The following PTPRT variants were observed in gnomAD, a reference collection of about 807,000 sequenced individuals.
PTPRT encodes protein tyrosine phosphatase receptor type T.
Under a neutral mutation model 176.8 loss-of-function variants are expected in PTPRT, and 56 were observed. That is an observed-to-expected ratio of 0.32 (90% CI 0.26 to 0.40). The LOEUF (loss-of-function observed/expected upper bound fraction) is 0.40, where lower values mean the gene tolerates loss of function less well. PTPRT is among the 10% of genes least tolerant of loss of function. PTPRT has a pLI of 1.00. For missense variants in PTPRT, 1,540 were observed against 1,908.2 expected, an observed-to-expected ratio of 0.81 and a Z score of 3.60; for synonymous variants, 783 against 739.0, an observed-to-expected ratio of 1.06 and a Z score of -0.96.
intron 3 of PTPRT, among the ~76,000 whole-genome samples, chr20:42,790,848 C>G (rs1225200341): frequency 6.6e-6 from 1 of 152,202 alleles, no homozygotes; most frequent in East Asian, 1.9e-4. Flanking sequence ...GAACCTCAAT[C>G]TTTTCATCCA....
At chr20:42,945,928 G>A (rs1246367820) in intron 1 of PTPRT, among the ~76,000 whole-genome samples, 2 of 152,076 alleles carry the variant, frequency 1.3e-5, no homozygotes, top group African/African-American at 2.4e-5. Context: ...TGTCTCTATG[G>A]ATCTGCCTTG....
intron 1 of PTPRT, among the ~76,000 whole-genome samples, chr20:43,098,125 G>A (rs554583165): frequency 6.6e-6 from 1 of 152,280 alleles, no homozygotes; most frequent in South Asian, 2.1e-4. Flanking sequence ...CATCCCCAGA[G>A]ATGGAAGGAA....
At chr20:42,806,917 G>C (rs1176724136) in intron 2 of PTPRT, among the ~76,000 whole-genome samples, 2 of 152,196 alleles carry the variant, frequency 1.3e-5, no homozygotes, top group African/African-American at 4.8e-5. Context: ...ACTATGAACA[G>C]ATGGTGTACA....
chr20:43,119,521 T>C (rs2013179269), intron 1 of PTPRT, among the ~76,000 whole-genome samples: 1 of 152,210 alleles, frequency 6.6e-6, no homozygotes, highest in African/African-American at 2.4e-5. Context: ...ATCCTTCACA[T>C]GCATCATGAC....
At chr20:42,050,720 C>T in the PTPRT span, among the ~76,000 whole-genome samples, 6 of 152,130 alleles carry the variant, frequency 3.9e-5, no homozygotes, top group East Asian at 1.2e-3. Flanking sequence ...GGATACTGAC[C>T]AGAACAGGAG....
intron 9 of PTPRT, among the ~76,000 whole-genome samples, chr20:42,382,995 C>T (rs1299835326): frequency 6.6e-6 from 1 of 152,194 alleles, no homozygotes; most frequent in African/African-American, 2.4e-5. Context: ...CATCCTACCT[C>T]TCCTGCTAAA....
intron 1 of PTPRT, among the ~76,000 whole-genome samples, chr20:42,946,832 G>T (rs76125618): frequency 0.01 from 1,537 of 152,198 alleles, 27 homozygotes; most frequent in African/African-American, 0.035. Context: ...TTTGAGCAAG[G>T]TATTTGCCCT....
chr20:42,783,136 T>C (rs950440075), intron 3 of PTPRT, among the ~76,000 whole-genome samples: 2 of 152,222 alleles, frequency 1.3e-5, no homozygotes, highest in Non-Finnish European at 1.5e-5. Flanking sequence ...TTTGGGCCTA[T>C]ACATTTTCTA....
intron 8 of PTPRT, among the ~76,000 whole-genome samples, chr20:42,453,147 C>T (rs2070861175): frequency 6.6e-6 from 1 of 152,086 alleles, no homozygotes; most frequent in Non-Finnish European, 1.5e-5. Flanking sequence ...GGTATCACTA[C>T]CCATGTATTC....
In PTPRT at chr20:42,791,049, C is replaced by A. The variant is rs1287381059; in HGVS notation, c.486+146G>T. ...TGGGACAGCGGCTGTGTTAGGTCAC[C>A]TCTGCAGAGCTTGGCTAGGAGGAGA... On this transcript the variant is annotated intron_variant, in intron 3 of 30. Coordinates refer to ENST00000373187, the MANE Select transcript of PTPRT (RefSeq NM_007050.6). The A allele has an allele frequency of 8.8e-5, 87 of 985,782 alleles. No individual in the cohort carries two copies. In the East Asian group the frequency reaches 2.2e-3, roughly 25 times the overall value. 61.1% of individuals were successfully genotyped at this position (985,782 alleles called of 1,614,324 possible).
chr20:42,660,403 C>G (rs145116329), intron 7 of PTPRT, among the ~76,000 whole-genome samples: 2 of 151,984 alleles, frequency 1.3e-5, no homozygotes, highest in African/African-American at 4.8e-5. Context: ...ATTCCAGCAA[C>G]GGTGCTGGAA....
intron 9 of PTPRT, among the ~76,000 whole-genome samples, chr20:42,424,868 A>G (rs2059148775): frequency 6.6e-6 from 1 of 150,494 alleles, no homozygotes; most frequent in Non-Finnish European, 1.5e-5. Flanking sequence ...TCCAGTAAGA[A>G]TCCTGTTAAA....
chr20:42,350,220 T>TGTTTGTTTG (rs1469462105), intron 11 of PTPRT, among the ~76,000 whole-genome samples: 39 of 51,222 alleles, frequency 7.6e-4, no homozygotes, highest in African/African-American at 2.7e-3. Flanking sequence ...TCTTGTTTTT[T>TGTTTGTTTG]TTTTTTTTTT....
At chr20:42,763,322 G>T (rs933071031) in intron 5 of PTPRT, among the ~76,000 whole-genome samples, 1 of 152,162 alleles carries the variant, frequency 6.6e-6, no homozygotes, top group African/African-American at 2.4e-5. Context: ...TGGCAGAAGT[G>T]GAAACAGTAC....
intron 3 of PTPRT, among the ~76,000 whole-genome samples, chr20:42,790,307 G>A (rs2077354669): frequency 6.6e-6 from 1 of 152,072 alleles, no homozygotes; most frequent in African/African-American, 2.4e-5. Context: ...TTTATGGATT[G>A]GTGCCAATCT....
At chr20:42,726,218 C>G (rs1180384263) in intron 6 of PTPRT, among the ~76,000 whole-genome samples, 4 of 151,978 alleles carry the variant, frequency 2.6e-5, no homozygotes, top group Admixed American at 1.3e-4. Context: ...TAGCTGGGAT[C>G]TCAGGCACAC....
chr20:42,649,219 C>T (rs1050997544), intron 7 of PTPRT, among the ~76,000 whole-genome samples: 10 of 151,912 alleles, frequency 6.6e-5, no homozygotes, highest in East Asian at 1.9e-4. Flanking sequence ...ACATGGATGG[C>T]GACAGGCAAA....
At chr20:42,200,008 G>A (rs1991386608) in intron 15 of PTPRT, among the ~76,000 whole-genome samples, 1 of 151,414 alleles carries the variant, frequency 6.6e-6, no homozygotes, top group Non-Finnish European at 1.5e-5. Context: ...GTGTAGAGCA[G>A]TGCTTCTCAA....
chr20:42,228,361 T>C (rs1167471589), intron 15 of PTPRT, among the ~76,000 whole-genome samples: 1 of 152,236 alleles, frequency 6.6e-6, no homozygotes, highest in African/African-American at 2.4e-5. Context: ...CTGTTTGGCA[T>C]GCGTGACTGA....
Sources: gnomAD v4.1 joint callset for allele counts (sites outside exome capture counted in the v4.1 genomes callset) on GRCh38, gnomAD v4.1.1 for gene constraint, MANE v1.5 for transcripts, NCBI Gene and HGNC (gene_info 2026-07-23, HGNC 2026-07-21) for gene names.